Variants in RUVBL1 observed in about 807,000 individuals in gnomAD.
RUVBL1 encodes the protein ruvB-like 1.
RUVBL1 carries 4 observed loss-of-function variants against 52.4 expected under a neutral mutation model. The observed-to-expected ratio is 0.08, with a 90% CI of 0.04 to 0.17. The LOEUF is 0.17. RUVBL1 is among the 10% of genes least tolerant of loss of function. The pLI is 1.00. For missense variants in RUVBL1, 298 were observed against 572.8 expected, an observed-to-expected ratio of 0.52 and a Z score of 4.90; for synonymous variants, 217 against 214.4, an observed-to-expected ratio of 1.01 and a Z score of -0.10.
chr3:128,067,496 T>C lies in RUVBL1; in HGVS notation c.940-2276A>G, dbSNP rs774148582. On this transcript the variant is annotated intron_variant, in intron 9 of 9. Transcript: ENST00000464873. This position sits in a 1 kb window ranked among gnomAD's most constrained non-coding sequence, Gnocchi z 4.1. ...CTATTACCTGTCCCCTCCAGAATCT[T>C]TTGGCTCCGTGTTAGAAGACCCGGT... 6.2e-7 allele frequency: 1 copy of C among 1,614,200 alleles called. No individual in the cohort carries two copies. Among genetic ancestry groups the C allele is most frequent in the Admixed American group, 1.7e-5 (1 of 60,020 alleles).
chr3:128,123,535 C>A, intron 1 of RUVBL1, 49 bp downstream of exon 1: 1 of 1,493,418 alleles, frequency 6.7e-7, no homozygotes, highest in Non-Finnish European at 9.0e-7. Context: ...GCTCTCTCGC[C>A]GCAGCAGCCC....
Position 128,081,183 on chromosome 3 carries a change from C to T in RUVBL1, c.*67G>A, listed in dbSNP as rs949485193. On this transcript the variant is annotated 3_prime_UTR_variant, in exon 11 of 11. Transcript: ENST00000322623. This position sits in a 1 kb window ranked among gnomAD's most constrained non-coding sequence, Gnocchi z 4.8. ...CGGCAGCCCCAAGCCCAGGGGCAAG[C>T]GCCCACAGGCTGGACCCAGGCCAGG... is the stretch of plus-strand genomic sequence containing the variant. 7.4e-5 allele frequency: 114 copies of T among 1,536,692 alleles called. 1 individual carries two copies. In the Admixed American group the frequency reaches 1.4e-3, roughly 19 times the overall value.
chr3:128,084,945 A>G (rs1488926897), intron 9 of RUVBL1: 1 of 152,256 alleles, frequency 6.6e-6, no homozygotes, highest in Non-Finnish European at 1.5e-5. Flanking sequence ...AGTACAGAAC[A>G]TTCCAGACTG....
chr3:128,153,747 G>A (rs1486622593), exon 1 of RUVBL1: 5 of 1,535,156 alleles, frequency 3.3e-6, no homozygotes, highest in Non-Finnish European at 4.4e-6. Context: ...CCGAGCCCGA[G>A]CCCGGCGAGC....
At chr3:128,104,979 T>C in intron 3 of RUVBL1, 55 bp from the exon 4 acceptor site, 2 of 1,556,200 alleles carry the variant, frequency 1.3e-6, no homozygotes, top group Non-Finnish European at 8.8e-7. Flanking sequence ...TCTCTCACAC[T>C]GAGAGCCCAA....
chr3:128,130,396 C>G (rs1696118464), intron 1 of RUVBL1, among the ~76,000 whole-genome samples: 1 of 151,770 alleles, frequency 6.6e-6, no homozygotes, highest in African/African-American at 2.4e-5. Context: ...GAGTCAGTAA[C>G]CAAAAGTCTC....
At chr3:128,152,949 CGT>C (rs1944262870) in intron 1 of RUVBL1, among the ~76,000 whole-genome samples, 1 of 37,572 alleles carries the variant, frequency 2.7e-5, no homozygotes, top group Non-Finnish European at 5.1e-5. Flanking sequence ...CCCCCGCCCC[CGT>C]CTTCCCGCCC....
At chr3:128,092,002 T>C (rs1372516293) in intron 8 of RUVBL1, among the ~76,000 whole-genome samples, 1 of 152,222 alleles carries the variant, frequency 6.6e-6, no homozygotes, top group Non-Finnish European at 1.5e-5. Context: ...GTAACTCACC[T>C]AATATCCACT....
At chr3:128,076,660 C>T (rs1401131927), downstream of RUVBL1, among the ~76,000 whole-genome samples, 1 of 151,994 alleles carries the variant, frequency 6.6e-6, no homozygotes, top group Non-Finnish European at 1.5e-5. This position sits in a 1 kb window ranked among gnomAD's most constrained non-coding sequence, Gnocchi z 6.8. Context: ...GCCTAAGTCA[C>T]TCAGGCCCTT....
chr3:128,077,643 C>T (rs990355679), downstream of RUVBL1, among the ~76,000 whole-genome samples: 7 of 152,210 alleles, frequency 4.6e-5, no homozygotes, highest in South Asian at 2.1e-4. Context: ...AGAAGCAGTG[C>T]GTTGTTTCTG....
At chr3:128,150,943 TTATA>T (rs1303513429) in intron 1 of RUVBL1, among the ~76,000 whole-genome samples, 1 of 88,160 alleles carries the variant, frequency 1.1e-5, no homozygotes, top group Non-Finnish European at 2.0e-5. Flanking sequence ...ATTCTATATA[TTATA>T]TATATTATAT....
At chr3:128,105,042 G>T in intron 3 of RUVBL1, 118 bp from the exon 4 acceptor site, 2 of 1,110,224 alleles carry the variant, frequency 1.8e-6, no homozygotes, top group Non-Finnish European at 2.5e-6. Flanking sequence ...TACATTCCAG[G>T]GTGTCATGAT....
At chr3:128,100,527 C>A (rs1943087304) in intron 6 of RUVBL1, 68 bp downstream of exon 6, 2 of 1,501,048 alleles carry the variant, frequency 1.3e-6, no homozygotes, top group African/African-American at 1.4e-5. Context: ...TCTGACAATT[C>A]ATTCCCAGAT....
chr3:128,123,983 C>T, upstream of RUVBL1: 2 of 918,496 alleles, frequency 2.2e-6, no homozygotes, highest in Non-Finnish European at 2.6e-6. Context: ...CGCTTCCTGC[C>T]GAGGCTGGGG....
intron 8 of RUVBL1, among the ~76,000 whole-genome samples, chr3:128,093,439 C>G (rs980121061): frequency 2.1e-5 from 3 of 144,200 alleles, no homozygotes; most frequent in African/African-American, 8.5e-5. Context: ...TGTGAATACA[C>G]TAGAAATCAC....
chr3:128,122,768 C>G (rs978622263), intron 1 of RUVBL1, among the ~76,000 whole-genome samples: 1 of 152,218 alleles, frequency 6.6e-6, no homozygotes, highest in African/African-American at 2.4e-5. Flanking sequence ...GTGGCTGTAT[C>G]ATCATAGAGC....
chr3:128,082,962 C>T lies in RUVBL1; in HGVS notation c.1120-388G>A. 2 of 167,632 alleles carry T rather than the reference C, an allele frequency of 1.2e-5. No individual in the cohort carries two copies. Among genetic ancestry groups the T allele is most frequent in the South Asian group, 3.0e-4 (2 of 6,738 alleles). 10.4% of individuals were successfully genotyped at this position (167,632 alleles called of 1,614,324 possible). Reference sequence around the variant, plus strand: ...CTCCTGCAAGGGCTCTAACCTTCCTCTCCAGCATGGGCACTACTGCCTACA... The same window carrying T: ...CTCCTGCAAGGGCTCTAACCTTCCTTTCCAGCATGGGCACTACTGCCTACA... On this transcript the variant is annotated intron_variant, in intron 9 of 10. Transcript: ENST00000322623. The surrounding 1 kb of genome is among the most constrained non-coding windows in gnomAD (Gnocchi z 4.7).
At chr3:128,107,442 G>A (rs140806305) in intron 3 of RUVBL1, among the ~76,000 whole-genome samples, 7 of 152,326 alleles carry the variant, frequency 4.6e-5, no homozygotes, top group South Asian at 4.1e-4. Context: ...AGCTACCTCC[G>A]TTCTGATATG....
At chr3:128,068,665 G>C (rs1427556213) in intron 9 of RUVBL1, 1 of 154,294 alleles carries the variant, frequency 6.5e-6, no homozygotes, top group African/African-American at 2.4e-5. Context: ...GTTTGGGCCA[G>C]AGGTGATGGT....
Sources: gnomAD v4.1 joint callset for allele counts (sites outside exome capture counted in the v4.1 genomes callset) on GRCh38, gnomAD v4.1.1 for gene constraint, Gnocchi (gnomAD v3.1) non-coding constraint, MANE v1.5 for transcripts, NCBI Gene and HGNC (gene_info 2026-07-23, HGNC 2026-07-21) for gene names.